The following MYO16 variants were observed in gnomAD, a reference collection of about 807,000 sequenced individuals.
The protein encoded by MYO16 is myosin XVI.
A neutral mutation model predicts 205.3 loss-of-function variants in MYO16; 94 were observed. The observed-to-expected ratio is 0.46, with a 90% CI of 0.39 to 0.54. The LOEUF is 0.54. MYO16 is among the 20% of genes least tolerant of loss of function. The probability of loss-of-function intolerance (pLI) is 0.00; values close to 1 mark genes in which losing one functional copy is unlikely to be tolerated. For missense variants in MYO16, 2,315 were observed against 2,387.5 expected (o/e 0.97, Z 0.63); for synonymous variants, 988 against 954.0 (o/e 1.04, Z -0.66).
chr13:109,144,504 T>C (rs1350114527), intron 32 of MYO16, among the ~76,000 whole-genome samples: 1 of 152,230 alleles, frequency 6.6e-6, no homozygotes, highest in Non-Finnish European at 1.5e-5. Context: ...GTTTACACAG[T>C]TTGATCCTGA....
At chr13:109,163,516 C>T (rs1878493564) in intron 32 of MYO16, among the ~76,000 whole-genome samples, 2 of 146,514 alleles carry the variant, frequency 1.4e-5, no homozygotes. Flanking sequence ...CCCTCCCTCC[C>T]ACCTCCCTCC....
chr13:108,726,667 A>G (rs544076308), intron 3 of MYO16, among the ~76,000 whole-genome samples: 87 of 152,296 alleles, frequency 5.7e-4, no homozygotes, highest in African/African-American at 1.9e-3. Flanking sequence ...TGAACATTCA[A>G]GATGGTAAAG....
intron 20 of MYO16, among the ~76,000 whole-genome samples, chr13:108,979,768 A>G (rs974383710): frequency 6.6e-6 from 1 of 152,080 alleles, no homozygotes; most frequent in African/African-American, 2.4e-5. Flanking sequence ...ACTTTGTGAG[A>G]CCATTTTTAT....
the MYO16 span, among the ~76,000 whole-genome samples, chr13:108,543,108 T>G: frequency 1.3e-5 from 2 of 152,112 alleles, no homozygotes; most frequent in Non-Finnish European, 2.9e-5. Context: ...ATATAACAAG[T>G]CTTTCGCTAA....
At chr13:108,972,351 C>CATCTATATATATATATATATATATATAT (rs1406677239) in intron 20 of MYO16, among the ~76,000 whole-genome samples, 2 of 17,446 alleles carry the variant, frequency 1.1e-4, no homozygotes, top group African/African-American at 1.6e-4. Context: ...TATATATAGC[C>CATCTATATATATATATATATATATATAT]ATATATATAT....
At chr13:108,950,196 A>G (rs568825621) in intron 16 of MYO16, among the ~76,000 whole-genome samples, 22 of 152,268 alleles carry the variant, frequency 1.4e-4, no homozygotes, top group Non-Finnish European at 1.8e-4. Context: ...AAATTATATG[A>G]CATCAAAATT....
chr13:108,667,821 G>C (rs1466171593), intron 2 of MYO16, among the ~76,000 whole-genome samples: 2 of 152,160 alleles, frequency 1.3e-5, no homozygotes, highest in Non-Finnish European at 2.9e-5. Flanking sequence ...ATAGGTGGAA[G>C]ACTCTCCTGA....
At chr13:108,913,507 G>C (rs1423025349) in intron 16 of MYO16, among the ~76,000 whole-genome samples, 1 of 152,134 alleles carries the variant, frequency 6.6e-6, no homozygotes, top group African/African-American at 2.4e-5. Context: ...TGGTAATTAT[G>C]AGTATTAAGT....
intron 2 of MYO16, among the ~76,000 whole-genome samples, chr13:108,679,726 T>TAA (rs1421124467): frequency 1.4e-5 from 2 of 138,070 alleles, no homozygotes; most frequent in African/African-American, 5.1e-5. Flanking sequence ...AAAAAAATAA[T>TAA]AATAATAATA....
chr13:108,756,848 C>T (rs539045114), intron 4 of MYO16, among the ~76,000 whole-genome samples: 17 of 152,110 alleles, frequency 1.1e-4, no homozygotes, highest in African/African-American at 4.1e-4. Context: ...CAAGTTGACA[C>T]GTAATTAACC....
chr13:108,545,077 G>T, the MYO16 span, among the ~76,000 whole-genome samples: 5 of 151,908 alleles, frequency 3.3e-5, no homozygotes, highest in African/African-American at 1.2e-4. Flanking sequence ...TGTCACAAGG[G>T]TTTGGTGTGC....
intron 33 of MYO16, among the ~76,000 whole-genome samples, chr13:109,172,953 A>G (rs1878981210): frequency 6.6e-6 from 1 of 152,176 alleles, no homozygotes; most frequent in African/African-American, 2.4e-5. Context: ...AATACACAAT[A>G]TTACTTTGAT....
chr13:108,682,151 T>C (rs1269445557), intron 2 of MYO16, among the ~76,000 whole-genome samples: 1 of 152,194 alleles, frequency 6.6e-6, no homozygotes, highest in Non-Finnish European at 1.5e-5. Flanking sequence ...TATTATCCGT[T>C]CAGGGGATAG....
At chr13:108,575,210 A>G in the MYO16 span, among the ~76,000 whole-genome samples, 6 of 152,262 alleles carry the variant, frequency 3.9e-5, no homozygotes, top group East Asian at 1.2e-3. Context: ...GAATCTGGTG[A>G]TTCCAGTCCT....
the MYO16 span, among the ~76,000 whole-genome samples, chr13:108,499,817 G>C: frequency 6.6e-6 from 1 of 152,134 alleles, no homozygotes; most frequent in South Asian, 2.1e-4. Context: ...TAAGTGACTT[G>C]TTCTTTGTAA....
intron 28 of MYO16, among the ~76,000 whole-genome samples, chr13:109,113,154 A>C (rs567899675): frequency 6.6e-6 from 1 of 152,346 alleles, no homozygotes; most frequent in Admixed American, 6.5e-5. Context: ...AGTAAGCTTG[A>C]ATGTATTGAA....
intron 27 of MYO16, among the ~76,000 whole-genome samples, chr13:109,099,366 G>A (rs555692988): frequency 2.7e-4 from 41 of 152,322 alleles, no homozygotes; most frequent in Admixed American, 6.5e-5. Context: ...CTAACATGAT[G>A]TATAGCATAA....
chr13:109,132,324 G>T (rs1002027907), intron 31 of MYO16, among the ~76,000 whole-genome samples: 1 of 152,142 alleles, frequency 6.6e-6, no homozygotes, highest in African/African-American at 2.4e-5. Context: ...ATACCTTAAT[G>T]AAACCATAAT....
At chr13:108,832,655 C>G (rs1566357836) in intron 9 of MYO16, among the ~76,000 whole-genome samples, 1 of 152,044 alleles carries the variant, frequency 6.6e-6, no homozygotes, top group Non-Finnish European at 1.5e-5. Context: ...CATAAAATTT[C>G]TTGTATAGTT....
Sources: gnomAD v4.1 joint callset for allele counts (sites outside exome capture counted in the v4.1 genomes callset) on GRCh38, gnomAD v4.1.1 for gene constraint, MANE v1.5 for transcripts, NCBI Gene and HGNC (gene_info 2026-07-23, HGNC 2026-07-21) for gene names.